The following SLC6A6 variants were observed in gnomAD, a reference collection of about 807,000 sequenced individuals.
SLC6A6 encodes sodium- and chloride-dependent taurine transporter.
SLC6A6 carries 16 observed loss-of-function variants against 68.8 expected under a neutral mutation model. The ratio of observed to expected loss-of-function variants is 0.23; its 90% CI spans 0.16 to 0.35. SLC6A6 has a LOEUF of 0.35. SLC6A6 is among the 10% of genes least tolerant of loss of function. The probability of loss-of-function intolerance (pLI) is 1.00; values close to 1 mark genes in which losing one functional copy is unlikely to be tolerated. For missense variants in SLC6A6, 474 were observed against 802.8 expected, an observed-to-expected ratio of 0.59 and a Z score of 4.95; for synonymous variants, 312 against 315.4, an observed-to-expected ratio of 0.99 and a Z score of 0.12.
chr3:14,480,259 C>G (rs542327557), intron 13 of SLC6A6, among the ~76,000 whole-genome samples: 87 of 152,340 alleles, frequency 5.7e-4, no homozygotes, highest in African/African-American at 1.9e-3. Context: ...GTAACCACAA[C>G]AATTGGTGAG....
In SLC6A6 at chr3:14,472,340, G is replaced by A; in HGVS notation, c.1209+23G>A. Reference sequence around the variant, plus strand: ...CAGGTGCGTATAAGGGATGGCCCTGGGGCGACTGCCCCTGTGGGGAACCTG... The same window carrying A: ...CAGGTGCGTATAAGGGATGGCCCTGAGGCGACTGCCCCTGTGGGGAACCTG... On this transcript the variant is annotated intron_variant, in intron 10 of 14. Transcript: ENST00000622186. This position sits in a 1 kb window ranked among gnomAD's most constrained non-coding sequence, Gnocchi z 4.5. 2.8e-6 allele frequency: 4 copies of A among 1,428,332 alleles called. No homozygotes were observed. The highest frequency in any genetic ancestry group is 1.4e-5 in the African/African-American group (1 of 71,316). 88.5% of individuals were successfully genotyped at this position (1,428,332 alleles called of 1,614,324 possible). A position where few individuals can be genotyped will look rare whatever the true frequency, so the allele number is the denominator to read the frequency against.
intron 5 of SLC6A6, among the ~76,000 whole-genome samples, chr3:14,451,783 C>G (rs1249214684): frequency 6.6e-6 from 1 of 152,184 alleles, no homozygotes; most frequent in Admixed American, 6.5e-5. Context: ...GCCACCAACC[C>G]TGCAGCGTCT....
intron 6 of SLC6A6, among the ~76,000 whole-genome samples, chr3:14,462,458 G>C (rs1241046412): frequency 2.6e-5 from 4 of 152,120 alleles, no homozygotes; most frequent in African/African-American, 9.7e-5. Context: ...AGCACTTGGG[G>C]GAGCCGAGGA....
chr3:14,483,872 T>TA (rs1200128307), intron 14 of SLC6A6, among the ~76,000 whole-genome samples: 1 of 151,878 alleles, frequency 6.6e-6, no homozygotes, highest in Non-Finnish European at 1.5e-5. Flanking sequence ...TTTTTAAGAG[T>TA]TAGGGTCTCA....
chr3:14,484,837 T>TC, intron 14 of SLC6A6, 30 bp from the exon 15 acceptor site: 4 of 1,605,346 alleles, frequency 2.5e-6, no homozygotes, highest in African/African-American at 1.3e-5. Context: ...GCCTGACGTT[T>TC]CCCCCCTCAC....
At chr3:14,470,711 C>T (rs1436675028) in intron 9 of SLC6A6, among the ~76,000 whole-genome samples, 1 of 152,178 alleles carries the variant, frequency 6.6e-6, no homozygotes, top group Non-Finnish European at 1.5e-5. Context: ...ACCAGTGGGG[C>T]CCCGGTCTGG....
chr3:14,436,957 C>A (rs1287243420), intron 2 of SLC6A6, among the ~76,000 whole-genome samples: 2 of 152,302 alleles, frequency 1.3e-5, no homozygotes, highest in African/African-American at 2.4e-5. Flanking sequence ...AGACACCAGA[C>A]CCCATTTCAT....
At position 14,487,311 on chromosome 3, in the gene SLC6A6, G is replaced by A. The variant is rs1379292220; in HGVS notation, c.*2304G>A. On this transcript the variant is annotated 3_prime_UTR_variant, in exon 15 of 15. Transcript: ENST00000622186. Reference sequence around the variant, plus strand: ...GTCCCCAGGCCCCGCCTGGAAGGAAGTCGTTCCTCAACTCTCCCCAAGGCA... The same window carrying A: ...GTCCCCAGGCCCCGCCTGGAAGGAAATCGTTCCTCAACTCTCCCCAAGGCA... The A allele has an allele frequency of 6.5e-6, 1 of 152,822 alleles. No homozygotes were observed. Among genetic ancestry groups the A allele is most frequent in the East Asian group, 1.9e-4 (1 of 5,196 alleles). The allele number at this position is 152,822 out of a possible 1,614,324, so 9.5% of individuals were successfully genotyped here.
At position 14,402,993 on chromosome 3, in the gene SLC6A6, A is replaced by G; in HGVS notation, c.-54+146A>G. 2.6e-6 allele frequency: 1 copy of G among 380,860 alleles called. No homozygotes were observed. Among genetic ancestry groups the G allele is most frequent in the Non-Finnish European group, 4.7e-6 (1 of 215,000 alleles). The allele number at this position is 380,860 out of a possible 1,614,324, so 23.6% of individuals were successfully genotyped here. A position where few individuals can be genotyped will look rare whatever the true frequency, so the allele number is the denominator to read the frequency against. ...CCTTTCACCACCGCGGAAGGGACCG[A>G]GAGTCGCCTGCTCAGTCCCGCTGGC... On this transcript the variant is annotated intron_variant, in intron 1 of 14. Coordinates refer to ENST00000622186, the MANE Select transcript of SLC6A6 (RefSeq NM_003043.6). The surrounding 1 kb of genome is among the most constrained non-coding windows in gnomAD (Gnocchi z 4.8).
rs992827113 is a variant in SLC6A6 at position 14,488,159 on chromosome 3, A to G, written c.*3152A>G. 3 of 152,684 alleles carry G rather than the reference A, an allele frequency of 2.0e-5. No homozygotes were observed. The highest frequency in any genetic ancestry group is 6.5e-5 in the Admixed American group (1 of 15,286). 9.5% of individuals were successfully genotyped at this position (152,684 alleles called of 1,614,324 possible). On this transcript the variant is annotated 3_prime_UTR_variant, in exon 15 of 15. Coordinates refer to ENST00000622186, the MANE Select transcript of SLC6A6 (RefSeq NM_003043.6). ...CCAGAGGTGTGCCAGATCCTTAGGCAGGATTTAGATGAAGTCGCCCTGGCT... is the reference window on the plus strand; with the variant it reads ...CCAGAGGTGTGCCAGATCCTTAGGCGGGATTTAGATGAAGTCGCCCTGGCT...
At chr3:14,478,924 T>C (rs1385824904) in intron 12 of SLC6A6, 161 bp from the exon 13 acceptor site, 7 of 614,300 alleles carry the variant, frequency 1.1e-5, no homozygotes, top group Non-Finnish European at 1.8e-5. Flanking sequence ...TGCAGAGTTA[T>C]ATTTGAATTT....
In SLC6A6 at chr3:14,485,090, A is replaced by G; in HGVS notation, c.*83A>G. The G allele has an allele frequency of 1.6e-6, 2 of 1,222,456 alleles. No homozygotes were observed. The highest frequency in any genetic ancestry group is 3.1e-5 in the South Asian group (2 of 64,798). 75.7% of individuals were successfully genotyped at this position (1,222,456 alleles called of 1,614,324 possible). A position where few individuals can be genotyped will look rare whatever the true frequency, so the allele number is the denominator to read the frequency against. ...CATAGGACCAGGTTTACAGAGCTTT[A>G]TATTTGCACTAGGATTTTTTTTTTT... On this transcript the variant is annotated 3_prime_UTR_variant, in exon 15 of 15. Coordinates refer to ENST00000622186, the MANE Select transcript of SLC6A6 (RefSeq NM_003043.6).
Position 14,402,730 on chromosome 3 carries a change from C to T in SLC6A6, c.-171C>T, listed in dbSNP as rs1699011391. 2.5e-6 allele frequency: 1 copy of T among 398,048 alleles called. No homozygotes were observed. The allele number at this position is 398,048 out of a possible 1,614,324, so 24.7% of individuals were successfully genotyped here. On this transcript the variant is annotated 5_prime_UTR_variant, in exon 1 of 15. Coordinates refer to ENST00000622186, the MANE Select transcript of SLC6A6 (RefSeq NM_003043.6). The surrounding 1 kb of genome is among the most constrained non-coding windows in gnomAD (Gnocchi z 4.8). ...CCGCAAGCCCAGAGGACAAGCTGCG[C>T]CAAGAGGGAGTGCGGAGCGTTCACC... is the stretch of plus-strand genomic sequence containing the variant.
intron 2 of SLC6A6, among the ~76,000 whole-genome samples, chr3:14,419,214 G>A (rs1699433025): frequency 6.6e-6 from 1 of 152,228 alleles, no homozygotes; most frequent in African/African-American, 2.4e-5. Flanking sequence ...CCTCCAAGCA[G>A]CCCTCTTGGC....
At chr3:14,443,934 G>C (rs751955690) in intron 3 of SLC6A6, 71 bp downstream of exon 3, 11 of 1,089,210 alleles carry the variant, frequency 1.0e-5, no homozygotes, top group Non-Finnish European at 1.4e-5. Flanking sequence ...GCTGGGACCA[G>C]AGCGTGGGTG....
intron 1 of SLC6A6, chr3:14,410,947 A>G (rs1409250736): frequency 6.6e-6 from 1 of 152,298 alleles, no homozygotes; most frequent in Non-Finnish European, 1.5e-5. Context: ...CCCCAAGGCT[A>G]GTCAGCACCA....
At chr3:14,409,575 G>A (rs777609861) in intron 1 of SLC6A6, among the ~76,000 whole-genome samples, 4 of 152,258 alleles carry the variant, frequency 2.6e-5, no homozygotes, top group Non-Finnish European at 4.4e-5. Flanking sequence ...GTTCATGAGT[G>A]CCTACTGTGT....
chr3:14,444,376 TA>T (rs1700063985), intron 3 of SLC6A6: 1 of 201,000 alleles, frequency 5.0e-6, no homozygotes, highest in African/African-American at 2.3e-5. Context: ...ACAGTGAAGA[TA>T]TTTTTTAAAT....
rs375631345 is a variant in SLC6A6 at position 14,409,203 on chromosome 3, A to G, written c.-54+6356A>G. On this transcript the variant is annotated intron_variant, in intron 1 of 14. Coordinates refer to ENST00000622186, the MANE Select transcript of SLC6A6 (RefSeq NM_003043.6). ...GCAGGCCATGTGGACTGCATGTCAG[A>G]ACACACGGATCTGCCAGGCCATTCC... Among the ~76,000 whole-genome samples the G allele has an allele frequency of 1.1e-4, 17 of 152,334 alleles. No homozygotes were observed. In the East Asian group the frequency reaches 2.7e-3, roughly 24 times the overall value.
Sources: allele counts gnomAD v4.1 joint callset (sites outside exome capture counted in the v4.1 genomes callset), GRCh38; gene constraint gnomAD v4.1.1; non-coding constraint Gnocchi (gnomAD v3.1); transcripts MANE v1.5; gene names NCBI Gene and HGNC (gene_info 2026-07-23, HGNC 2026-07-21).